Variants in TTLL6 observed in about 807,000 individuals in gnomAD.
The protein encoded by TTLL6 is tubulin tyrosine ligase like 6.
A neutral mutation model predicts 96.4 loss-of-function variants in TTLL6; 75 were observed. That is an observed-to-expected ratio of 0.78 (90% confidence interval 0.65 to 0.94). The LOEUF (loss-of-function observed/expected upper bound fraction) is 0.94. Among genes scored for constraint, TTLL6 ranks in the 40% least tolerant of loss-of-function variants. The pLI is 0.00. For missense variants in TTLL6, 1,030 were observed against 1,093.0 expected, an observed-to-expected ratio of 0.94 and a Z score of 0.81; for synonymous variants, 411 against 419.4, an observed-to-expected ratio of 0.98 and a Z score of 0.24.
At chr17:48,791,208 C>CT (rs1383246674) in intron 9 of TTLL6, among the ~76,000 whole-genome samples, 170 bp downstream of exon 9, 1 of 152,196 alleles carries the variant, frequency 6.6e-6, no homozygotes, top group Non-Finnish European at 1.5e-5. Context: ...GTCTACCCCC[C>CT]TCTGGTGGCC....
intron 13 of TTLL6, among the ~76,000 whole-genome samples, chr17:48,778,745 C>A (rs1204291578): frequency 2.0e-5 from 3 of 151,854 alleles, no homozygotes; most frequent in Non-Finnish European, 4.4e-5. Context: ...GCCTGACCGA[C>A]ATAGTGAAAC....
chr17:48,808,685 C>T (rs930069276), intron 1 of TTLL6, among the ~76,000 whole-genome samples: 1 of 152,186 alleles, frequency 6.6e-6, no homozygotes, highest in Non-Finnish European at 1.5e-5. Flanking sequence ...TCTCCTGCCT[C>T]ACCCTCCTGA....
intron 1 of TTLL6, among the ~76,000 whole-genome samples, chr17:48,806,445 A>G (rs571533980): frequency 6.6e-6 from 1 of 152,022 alleles, no homozygotes; most frequent in East Asian, 1.9e-4. Flanking sequence ...CACAGAGCCA[A>G]TTTTCTGGTG....
chr17:48,810,832 T>A (rs1398375758), intron 1 of TTLL6, among the ~76,000 whole-genome samples: 2 of 131,108 alleles, frequency 1.5e-5, no homozygotes, highest in Non-Finnish European at 3.1e-5. Flanking sequence ...TGTGTATATA[T>A]ATATATATAT....
chr17:48,786,390 A>G, intron 11 of TTLL6, 55 bp from the exon 12 acceptor site: 2 of 1,606,654 alleles, frequency 1.2e-6, no homozygotes, highest in South Asian at 2.2e-5. Flanking sequence ...CTGCGCAGGC[A>G]GGCATTCTCC....
At chr17:48,774,816 C>T (rs1303032540) in intron 13 of TTLL6, among the ~76,000 whole-genome samples, 1 of 152,054 alleles carries the variant, frequency 6.6e-6, no homozygotes, top group Non-Finnish European at 1.5e-5. Context: ...CTGGAGAATT[C>T]TATCCAAATA....
chr17:48,791,207 C>A (rs561696733), intron 9 of TTLL6, among the ~76,000 whole-genome samples, 171 bp downstream of exon 9: 6 of 152,172 alleles, frequency 3.9e-5, no homozygotes, highest in Admixed American at 1.3e-4. Context: ...TGTCTACCCC[C>A]CTCTGGTGGC....
Position 48,804,766 on chromosome 17 carries a change from C to G in TTLL6, c.323+6G>C. 6.4e-7 allele frequency: 1 copy of G among 1,551,928 alleles called. No individual in the cohort carries two copies. Among genetic ancestry groups the G allele is most frequent in the East Asian group, 2.4e-5 (1 of 40,910 alleles). On this transcript the variant is annotated splice_donor_region_variant and intron_variant, in intron 2 of 15. Transcript: ENST00000393382. ...GGCTCCCCATTCCCCAGCTTTCAAT[C>G]CTAACCTCTTTTTCTTCCTCTTCTT...
At chr17:48,799,814 G>A in intron 5 of TTLL6, 54 bp from the exon 6 acceptor site, 1 of 1,479,832 alleles carries the variant, frequency 6.8e-7, no homozygotes, top group Non-Finnish European at 9.2e-7. Flanking sequence ...GCAATGAAAA[G>A]GAAGGCTAGC....
Position 48,762,698 on chromosome 17 carries a change from G to A in TTLL6, c.*276C>T, listed in dbSNP as rs2038512687. On this transcript the variant is annotated 3_prime_UTR_variant, in exon 16 of 16. Transcript: ENST00000393382. ...TGCCATGTGAAGAACCCAGAGAAGT[G>A]CCACTGGTACGGCAACTGGAGTGTG... 3.8e-6 allele frequency: 1 copy of A among 264,872 alleles called. No homozygotes were observed. The highest frequency in any genetic ancestry group is 3.7e-5 in the South Asian group (1 of 27,166). The allele number at this position is 264,872 out of a possible 1,614,324, so 16.4% of individuals were successfully genotyped here. A position where few individuals can be genotyped will look rare whatever the true frequency, so the allele number is the denominator to read the frequency against.
chr17:48,801,617 AG>A lies in TTLL6; in HGVS notation c.387del (p.Phe130LeufsTer24). The part of the protein sequence containing the change: ...ESVRRAAQQY[G>X]FREGGEDDDW... ...TCATCGTCTTCCCCTCCCTCTCTAAAGCCGTACTGTTGGGCAGCCCTGCGCA... is the reference window on the plus strand; with the variant it reads ...TCATCGTCTTCCCCTCCCTCTCTAAACCGTACTGTTGGGCAGCCCTGCGCA... On this transcript the variant is annotated frameshift_variant, in exon 4 of 16. Coordinates refer to ENST00000393382, the MANE Select transcript of TTLL6 (RefSeq NM_001130918.3). LOFTEE classifies it high-confidence loss of function. 6.4e-7 allele frequency: 1 copy of A among 1,551,718 alleles called. No homozygotes were observed. The highest frequency in any genetic ancestry group is 2.4e-5 in the East Asian group (1 of 40,922).
chr17:48,769,410 T>G (rs1410534581), intron 14 of TTLL6, among the ~76,000 whole-genome samples, 156 bp from the exon 15 acceptor site: 1 of 152,218 alleles, frequency 6.6e-6, no homozygotes, highest in East Asian at 1.9e-4. Context: ...CTCCAAATAG[T>G]TTTTCTTCCC....
In TTLL6 at chr17:48,814,446, G is replaced by GTAT. The variant is rs528420491; in HGVS notation, c.103+2521_103+2523dup. 2.8e-3 allele frequency among the ~76,000 whole-genome samples: 433 copies of GTAT among 152,142 alleles called. 7 individuals are homozygous for GTAT. The highest frequency in any genetic ancestry group is 2.3e-3 in the South Asian group (11 of 4,824). On this transcript the variant is annotated intron_variant, in intron 1 of 15. Transcript: ENST00000393382. ...AAGAGCATTGTGTCATTAAGGAAGG[G>GTAT]TATTAGTCCACCTTTCCAAGTAGGA...
chr17:48,790,072 C>T lies in TTLL6; in HGVS notation c.1259G>A (p.Arg420Gln), dbSNP rs762628906. The change falls in exon 10 of 16, where the codon CGG becomes CAG. Residue 420 changes from arginine (R) to glutamine (Q), a missense_variant. By Grantham distance (43) the Arg-to-Gln change is conservative. Coordinates refer to ENST00000393382, the MANE Select transcript of TTLL6 (RefSeq NM_001130918.3). ...ACCATCTTTCACCTCTTTATCCAACCGAGAGTCGGTGGAGAAGCTTGGAGA... is the reference window on the plus strand; with the variant it reads ...ACCATCTTTCACCTCTTTATCCAACTGAGAGTCGGTGGAGAAGCTTGGAGA... The part of the protein sequence containing the change: ...NHSPSFSTDS[R>Q]LDKEVKDGLL... The T allele has an allele frequency of 1.9e-5, 30 of 1,613,926 alleles. No individual in the cohort carries two copies. The highest frequency in any genetic ancestry group is 5.5e-5 in the South Asian group (5 of 91,040).
intron 13 of TTLL6, among the ~76,000 whole-genome samples, chr17:48,775,804 G>C (rs190977379): frequency 6.6e-6 from 1 of 152,026 alleles, no homozygotes; most frequent in Non-Finnish European, 1.5e-5. Flanking sequence ...GCCTCCCAAC[G>C]TGCTGGGATT....
intron 15 of TTLL6, among the ~76,000 whole-genome samples, chr17:48,767,918 C>G (rs2038647978): frequency 6.6e-6 from 1 of 152,104 alleles, no homozygotes; most frequent in African/African-American, 2.4e-5. Context: ...GTGATCTAGG[C>G]CTAGACCAGG....
intron 1 of TTLL6, 42 bp downstream of exon 1, chr17:48,816,928 G>A: frequency 7.0e-7 from 1 of 1,428,960 alleles, no homozygotes; most frequent in Non-Finnish European, 9.4e-7. Flanking sequence ...GCACCAGGAG[G>A]CTGCGGTCTG....
chr17:48,781,118 G>C (rs1450814379), intron 13 of TTLL6, among the ~76,000 whole-genome samples: 1 of 151,812 alleles, frequency 6.6e-6, no homozygotes, highest in African/African-American at 2.4e-5. Context: ...CGCGATCTTG[G>C]CTCACTGTAA....
chr17:48,769,596 G>C, intron 14 of TTLL6, 132 bp downstream of exon 14: 1 of 1,131,090 alleles, frequency 8.8e-7, no homozygotes, highest in Non-Finnish European at 1.3e-6. Flanking sequence ...TCCACCATCA[G>C]ACTGGGGTTT....
Sources: gnomAD v4.1 joint callset for allele counts (sites outside exome capture counted in the v4.1 genomes callset) on GRCh38, gnomAD v4.1.1 for gene constraint, MANE v1.5 for transcripts, NCBI Gene and HGNC (gene_info 2026-07-23, HGNC 2026-07-21) for gene names.